Variants in C16orf89 observed in about 807,000 individuals in gnomAD.
C16orf89 encodes the protein chromosome 16 open reading frame 89.
C16orf89 carries 57 observed loss-of-function variants against 41.5 expected under a neutral mutation model. The observed-to-expected ratio is 1.38, with a 90% CI of 1.11 to 1.71. The LOEUF is 1.71. Among genes scored for constraint, C16orf89 ranks in the 40% most tolerant of loss-of-function variants. The pLI, the probability that C16orf89 is intolerant of heterozygous loss-of-function variation, is 0.00. For synonymous variants in C16orf89, 223 were observed against 190.6 expected, an observed-to-expected ratio of 1.17 and a Z score of -1.40; for missense variants, 575 against 445.9, an observed-to-expected ratio of 1.29 and a Z score of -2.61.
intron 7 of C16orf89, among the ~76,000 whole-genome samples, chr16:5,047,195 C>G (rs1438862891): frequency 2.0e-5 from 3 of 152,194 alleles, no homozygotes; most frequent in Admixed American, 6.5e-5. Flanking sequence ...ACACTGCCTC[C>G]TCCTGCCATT....
intron 4 of C16orf89, among the ~76,000 whole-genome samples, chr16:5,056,503 G>T (rs1490188371): frequency 1.3e-5 from 2 of 152,174 alleles, no homozygotes; most frequent in Non-Finnish European, 2.9e-5. Context: ...GCTCTCGTAG[G>T]GGGATGACAC....
At chr16:5,043,127 A>C (rs1381950647), downstream of C16orf89, 1 of 152,036 alleles carries the variant, frequency 6.6e-6, no homozygotes, top group East Asian at 1.9e-4. Context: ...TGGTGCAATC[A>C]TACCTCACTG....
intron 6 of C16orf89, among the ~76,000 whole-genome samples, chr16:5,052,505 C>T (rs1401772704): frequency 6.6e-6 from 1 of 152,036 alleles, no homozygotes; most frequent in Non-Finnish European, 1.5e-5. Context: ...GCTGGAGAAT[C>T]TCTTGAACCC....
At chr16:5,045,381 G>A (rs1596680660) in intron 7 of C16orf89, among the ~76,000 whole-genome samples, 1 of 152,198 alleles carries the variant, frequency 6.6e-6, no homozygotes, top group East Asian at 1.9e-4. Flanking sequence ...TCAGGCCTGA[G>A]CACTTGCCTG....
chr16:5,055,967 G>C, intron 5 of C16orf89, 86 bp downstream of exon 5: 2 of 846,910 alleles, frequency 2.4e-6, no homozygotes, highest in Non-Finnish European at 3.7e-6. Flanking sequence ...GTGTGTGTGT[G>C]TGTGTGTGTG....
At chr16:5,053,230 C>T (rs565100568) in intron 6 of C16orf89, among the ~76,000 whole-genome samples, 19 of 152,008 alleles carry the variant, frequency 1.2e-4, no homozygotes, top group African/African-American at 4.1e-4. Context: ...ATTAGCTGGG[C>T]GTGGTGGCAT....
intron 4 of C16orf89, among the ~76,000 whole-genome samples, 194 bp downstream of exon 4, chr16:5,058,299 T>A (rs556533553): frequency 6.6e-5 from 10 of 152,004 alleles, no homozygotes; most frequent in African/African-American, 2.4e-4. Context: ...AGCTAATTTT[T>A]TTTTTGTATT....
rs367564976 is a variant in C16orf89 at position 5,060,351 on chromosome 16, G to A, written c.444C>T (p.Phe148=). 22 of 1,613,660 alleles carry A rather than the reference G, an allele frequency of 1.4e-5. 1 individual carries two copies. In the East Asian group the frequency reaches 2.9e-4, roughly 21 times the overall value. Residue 148 remains phenylalanine, a synonymous_variant, in exon 3 of 8, where the codon TTC becomes TTT. Transcript: ENST00000472572. ...CCTCTGAGAATGAGTCCTGGGGCCC[G>A]AACGTGGGGTACACCAAGGAGGCAT... ...HTDASLVYPT[F]GPQDSFSEER... is the part of the protein sequence containing the mutation.
intron 6 of C16orf89, among the ~76,000 whole-genome samples, chr16:5,052,007 G>T (rs551306459): frequency 3.3e-5 from 5 of 150,988 alleles, no homozygotes; most frequent in African/African-American, 4.9e-5. Context: ...GGAGGCTGAG[G>T]CAGGAGAATC....
intron 2 of C16orf89, among the ~76,000 whole-genome samples, chr16:5,061,199 T>A (rs1236937855): frequency 7.0e-6 from 1 of 143,406 alleles, no homozygotes; most frequent in Non-Finnish European, 1.5e-5. Flanking sequence ...GAGACAGAGC[T>A]TGCAGTGAGC....
chr16:5,064,759 C>T lies in C16orf89; in HGVS notation c.208+942G>A, dbSNP rs372383765. ...TGGGATGTGGCGTGGGTGGAGAAGC[C>T]GGGCTCACTGCAGCTGCCAAGGAGT... On this transcript the variant is annotated intron_variant, in intron 1 of 7. Transcript: ENST00000472572. Among the ~76,000 whole-genome samples, 8 of 152,218 alleles carry T rather than the reference C, an allele frequency of 5.3e-5. No individual in the cohort carries two copies. The South Asian group carries it at 1.5e-3, about 28-fold the overall frequency.
At chr16:5,045,829 G>A (rs988656241) in intron 7 of C16orf89, among the ~76,000 whole-genome samples, 17 of 152,096 alleles carry the variant, frequency 1.1e-4, no homozygotes, top group East Asian at 1.9e-4. Context: ...CTCCTGCTCC[G>A]TGGGCTTGTG....
chr16:5,055,344 A>C lies in C16orf89; in HGVS notation c.770T>G (p.Phe257Cys), dbSNP rs767273024. The change falls in exon 6 of 8, where the codon TTC becomes TGC. Residue 257 changes from phenylalanine to cysteine, a missense_variant. By Grantham distance (205) the Phe-to-Cys change is radical. Coordinates refer to ENST00000472572, the MANE Select transcript of C16orf89 (RefSeq NM_001098514.3). ...TRDIFMENIM[F>C]CGMGGFSDFY... is the part of the protein sequence containing the mutation. The stretch of plus-strand genomic sequence containing the variant: ...GTCGGAGAAGCCGCCCATTCCACAG[A>C]ACATGACTGGAAGTAAAGACGGGGG... The C allele has an allele frequency of 6.2e-7, 1 of 1,609,702 alleles. No homozygotes were observed. Among genetic ancestry groups the C allele is most frequent in the East Asian group, 2.2e-5 (1 of 44,652 alleles).
At chr16:5,051,298 A>C (rs1319288243) in intron 6 of C16orf89, among the ~76,000 whole-genome samples, 1 of 152,220 alleles carries the variant, frequency 6.6e-6, no homozygotes, top group Non-Finnish European at 1.5e-5. Flanking sequence ...GATAGACAGG[A>C]AACCCTAAAA....
chr16:5,062,615 C>A, intron 1 of C16orf89, 41 bp from the exon 2 acceptor site: 1 of 1,522,656 alleles, frequency 6.6e-7, no homozygotes, highest in Non-Finnish European at 8.8e-7. Flanking sequence ...TATTTGGAAT[C>A]GGGACCTTTT....
At position 5,055,313 on chromosome 16, in the gene C16orf89, G is replaced by T; in HGVS notation, c.801C>A (p.Tyr267Ter). The change falls in exon 6 of 8, where the codon TAC (tyrosine) becomes TAA (stop). Residue 267 changes from tyrosine to a stop codon, truncating the protein, a stop_gained. Transcript: ENST00000472572. LOFTEE classifies it high-confidence loss of function. ...GAATGGCCTCCAGCCACCGGAGCTTGTAGAAGTCGGAGAAGCCGCCCATTC... is the reference window on the plus strand; with the variant it reads ...GAATGGCCTCCAGCCACCGGAGCTTTTAGAAGTCGGAGAAGCCGCCCATTC... ...FCGMGGFSDF[Y>*]KLRWLEAILS... 2 of 1,613,380 alleles carry T rather than the reference G, an allele frequency of 1.2e-6. No individual in the cohort carries two copies. The highest frequency in any genetic ancestry group is 1.7e-6 in the Non-Finnish European group (2 of 1,179,680).
chr16:5,061,264 GAAAA>G (rs60439270), intron 2 of C16orf89, among the ~76,000 whole-genome samples: 1 of 57,820 alleles, frequency 1.7e-5, no homozygotes, highest in African/African-American at 7.7e-5. Flanking sequence ...TCCATCTCAA[GAAAA>G]AAAAAAAAAA....
In C16orf89 at chr16:5,044,258, C is replaced by T; in HGVS notation, c.*90G>A. ...GCTTATCCTCCAGATGCCTTCTTCCCAGGATGTGATCCGTGCCCTCCAGGA... is the reference window on the plus strand; with the variant it reads ...GCTTATCCTCCAGATGCCTTCTTCCTAGGATGTGATCCGTGCCCTCCAGGA... On this transcript the variant is annotated 3_prime_UTR_variant, in exon 8 of 8. Coordinates refer to ENST00000472572, the MANE Select transcript of C16orf89 (RefSeq NM_001098514.3). 2.7e-6 allele frequency: 4 copies of T among 1,468,766 alleles called. No individual in the cohort carries two copies. The highest frequency in any genetic ancestry group is 2.6e-4 in the Middle Eastern group (1 of 3,862). The allele number at this position is 1,468,766 out of a possible 1,614,324, so 91.0% of individuals were successfully genotyped here.
rs77603808 is a variant in C16orf89, at chr16:5,049,429, C to T, written c.869-1465G>A. Among the ~76,000 whole-genome samples, 1,349 of 152,276 alleles carry T rather than the reference C, an allele frequency of 8.9e-3. 18 individuals carry two copies. Among genetic ancestry groups the T allele is most frequent in the African/African-American group, 0.03 (1,264 of 41,568 alleles). ...TCTTCTCATCAGCACATGGAACAGTCTCCAAAATAGACCATATGTTAGGCC... is the reference window on the plus strand; with the variant it reads ...TCTTCTCATCAGCACATGGAACAGTTTCCAAAATAGACCATATGTTAGGCC... On this transcript the variant is annotated intron_variant, in intron 6 of 7. Transcript: ENST00000472572.
Sources: gnomAD v4.1 joint callset for allele counts (sites outside exome capture counted in the v4.1 genomes callset) on GRCh38, gnomAD v4.1.1 for gene constraint, MANE v1.5 for transcripts, NCBI Gene and HGNC (gene_info 2026-07-23, HGNC 2026-07-21) for gene names.